The following MAMDC2 variants were observed in gnomAD, a reference collection of about 807,000 sequenced individuals.
MAMDC2 encodes MAM domain-containing protein 2.
Under a neutral mutation model 89.8 loss-of-function variants are expected in MAMDC2, and 57 were observed. That is an observed-to-expected ratio of 0.63 (90% CI 0.51 to 0.79). The LOEUF (loss-of-function observed/expected upper bound fraction) is 0.79, where lower values mean the gene tolerates loss of function less well. Ranked by LOEUF, MAMDC2 falls within the 30% of genes least tolerant of loss-of-function variation. MAMDC2 has a pLI of 0.00. For missense variants in MAMDC2, 800 were observed against 820.6 expected, an observed-to-expected ratio of 0.97 and a Z score of 0.31; for synonymous variants, 313 against 293.4, an observed-to-expected ratio of 1.07 and a Z score of -0.68.
chr9:70,090,135 AC>A, intron 2 of MAMDC2, among the ~76,000 whole-genome samples: 1 of 152,092 alleles, frequency 6.6e-6, no homozygotes, highest in Admixed American at 6.6e-5. Flanking sequence ...ACACACACAC[AC>A]ACACACACAC....
intron 9 of MAMDC2, among the ~76,000 whole-genome samples, chr9:70,167,949 T>C (rs963199924): frequency 6.6e-6 from 1 of 152,168 alleles, no homozygotes; most frequent in Non-Finnish European, 1.5e-5. Flanking sequence ...ATGAAGCATG[T>C]TGCCAGAAAG....
At chr9:70,128,514 T>G (rs1159221702) in intron 6 of MAMDC2, among the ~76,000 whole-genome samples, 1 of 152,192 alleles carries the variant, frequency 6.6e-6, no homozygotes, top group African/African-American at 2.4e-5. Flanking sequence ...AAAGGTACTT[T>G]AAGAACTATT....
chr9:70,079,897 G>A (rs769089254), intron 2 of MAMDC2, among the ~76,000 whole-genome samples: 24 of 152,078 alleles, frequency 1.6e-4, no homozygotes, highest in African/African-American at 3.9e-4. Flanking sequence ...AGCTGCAGTC[G>A]ATTAAAACTG....
At chr9:70,194,910 A>G (rs1034976239) in intron 11 of MAMDC2, among the ~76,000 whole-genome samples, 1 of 152,130 alleles carries the variant, frequency 6.6e-6, no homozygotes, top group Non-Finnish European at 1.5e-5. Context: ...TACCCAGGTT[A>G]CATTACATTT....
At chr9:70,164,230 A>G (rs187435501) in intron 9 of MAMDC2, among the ~76,000 whole-genome samples, 1 of 152,292 alleles carries the variant, frequency 6.6e-6, no homozygotes, top group African/African-American at 2.4e-5. Context: ...TCCATAACAA[A>G]GAATTATCTG....
chr9:70,050,659 A>G (rs1281311975), intron 2 of MAMDC2, among the ~76,000 whole-genome samples: 1 of 152,230 alleles, frequency 6.6e-6, no homozygotes, highest in African/African-American at 2.4e-5. Flanking sequence ...TCTTTTATCA[A>G]CATCATAAAC....
chr9:70,099,980 AAGAGAGAGAGAG>A (rs60292765), intron 2 of MAMDC2, among the ~76,000 whole-genome samples: 2,628 of 115,598 alleles, frequency 0.023, 59 homozygotes, highest in Non-Finnish European at 0.028. Flanking sequence ...GCCAAAAAGA[AAGAGAGAGAGAG>A]AGAGAGAGAG....
At chr9:70,134,071 T>G (rs1162352809) in intron 7 of MAMDC2, among the ~76,000 whole-genome samples, 1 of 152,172 alleles carries the variant, frequency 6.6e-6, no homozygotes, top group Non-Finnish European at 1.5e-5. Flanking sequence ...CTTAACTTGG[T>G]TAACTCCAGA....
chr9:70,179,938 T>C (rs1415081247), intron 11 of MAMDC2, among the ~76,000 whole-genome samples: 1 of 151,170 alleles, frequency 6.6e-6, no homozygotes, highest in Non-Finnish European at 1.5e-5. Flanking sequence ...TACACAGGTA[T>C]ACATGTGTGA....
intron 2 of MAMDC2, among the ~76,000 whole-genome samples, chr9:70,100,531 C>T (rs763130988): frequency 6.6e-6 from 1 of 152,206 alleles, no homozygotes; most frequent in Non-Finnish European, 1.5e-5. Context: ...ATGCAAGGCA[C>T]TAAGCTCTAA....
At chr9:70,131,808 T>C (rs573730403) in intron 7 of MAMDC2, among the ~76,000 whole-genome samples, 196 bp downstream of exon 7, 1 of 152,342 alleles carries the variant, frequency 6.6e-6, no homozygotes, top group East Asian at 1.9e-4. Flanking sequence ...CTAATGTTTC[T>C]GACACCATCA....
At chr9:70,118,908 T>C (rs990437618) in intron 5 of MAMDC2, among the ~76,000 whole-genome samples, 5 of 152,188 alleles carry the variant, frequency 3.3e-5, no homozygotes, top group Non-Finnish European at 5.9e-5. Flanking sequence ...TGTATGTTCC[T>C]AACAATCTGC....
chr9:70,108,938 T>C (rs1828422919), intron 3 of MAMDC2, among the ~76,000 whole-genome samples: 1 of 152,184 alleles, frequency 6.6e-6, no homozygotes, highest in Admixed American at 6.5e-5. Flanking sequence ...AAAGGACATG[T>C]TCCATTTCCT....
At chr9:70,154,977 C>T (rs2031708464) in intron 9 of MAMDC2, among the ~76,000 whole-genome samples, 1 of 152,092 alleles carries the variant, frequency 6.6e-6, no homozygotes, top group African/African-American at 2.4e-5. Flanking sequence ...CCCCACAACA[C>T]AGCTTATCCA....
At chr9:70,058,971 C>A (rs569580647) in intron 2 of MAMDC2, among the ~76,000 whole-genome samples, 6 of 152,202 alleles carry the variant, frequency 3.9e-5, no homozygotes, top group Non-Finnish European at 5.9e-5. Flanking sequence ...GAGTCTCACA[C>A]TCAGAGGATC....
At chr9:70,170,750 T>G (rs1423218894) in intron 11 of MAMDC2, 119 bp downstream of exon 11, 2 of 902,094 alleles carry the variant, frequency 2.2e-6, no homozygotes, top group East Asian at 2.8e-5. Flanking sequence ...TGAAATGCAC[T>G]TGTGATTCTA....
intron 2 of MAMDC2, among the ~76,000 whole-genome samples, chr9:70,101,209 T>G (rs1828183460): frequency 6.6e-6 from 1 of 152,196 alleles, no homozygotes; most frequent in Non-Finnish European, 1.5e-5. Flanking sequence ...AATAAGGATA[T>G]AAGGAAAGAA....
chr9:70,083,058 C>T (rs911290727), intron 2 of MAMDC2, among the ~76,000 whole-genome samples: 1 of 152,180 alleles, frequency 6.6e-6, no homozygotes, highest in Non-Finnish European at 1.5e-5. Context: ...CTAGCATCTC[C>T]TGCTAAAGAT....
chr9:70,076,560 G>C (rs1029341132), intron 2 of MAMDC2, among the ~76,000 whole-genome samples: 4 of 152,156 alleles, frequency 2.6e-5, no homozygotes, highest in Non-Finnish European at 5.9e-5. Flanking sequence ...AGTGTAGAAT[G>C]ATTCTGAGAT....
Sources: allele counts gnomAD v4.1 joint callset (sites outside exome capture counted in the v4.1 genomes callset), GRCh38; gene constraint gnomAD v4.1.1; transcripts MANE v1.5; gene names NCBI Gene and HGNC (gene_info 2026-07-23, HGNC 2026-07-21).